LRMDA: variants seen among roughly 807,000 people sequenced by gnomAD.
LRMDA encodes the protein leucine rich melanocyte differentiation associated.
In LRMDA, 18 loss-of-function variants were observed where a neutral mutation model predicts 29.8. The observed-to-expected ratio is 0.60, with a 90% CI of 0.42 to 0.90. LRMDA has a LOEUF of 0.90. Among genes scored for constraint, LRMDA ranks in the 40% least tolerant of loss-of-function variants. The pLI is 0.00. For synonymous variants in LRMDA, 125 were observed against 109.4 expected (o/e 1.14, Z -0.89); for missense variants, 273 against 273.9 (o/e 1.00, Z 0.02).
At chr10:75,505,806 G>T (rs552150502) in intron 2 of LRMDA, among the ~76,000 whole-genome samples, 6 of 152,208 alleles carry the variant, frequency 3.9e-5, no homozygotes, top group Non-Finnish European at 8.8e-5. Context: ...TCACCACATG[G>T]TGTAATGACA....
chr10:75,847,482 C>T (rs1844659657), intron 2 of LRMDA, among the ~76,000 whole-genome samples: 1 of 151,996 alleles, frequency 6.6e-6, no homozygotes, highest in South Asian at 2.1e-4. Flanking sequence ...AATGCACAGG[C>T]AACAAAAACA....
intron 5 of LRMDA, 143 bp downstream of exon 5, chr10:76,058,926 G>A: frequency 2.9e-6 from 2 of 681,550 alleles, no homozygotes; most frequent in South Asian, 3.4e-5. Context: ...TACATTGTTG[G>A]CCAAACATGA....
At chr10:75,949,381 G>A (rs535449494) in intron 2 of LRMDA, among the ~76,000 whole-genome samples, 26 of 152,342 alleles carry the variant, frequency 1.7e-4, no homozygotes, top group African/African-American at 6.0e-4. Flanking sequence ...TTTGAGCCTT[G>A]AGGGCTTCTC....
In LRMDA at chr10:76,069,087, T is replaced by C. The variant is rs535655414; in HGVS notation, c.516+10304T>C. Among the ~76,000 whole-genome samples, 340 of 152,364 alleles carry C rather than the reference T, an allele frequency of 2.2e-3. 1 individual carries two copies. The highest frequency in any genetic ancestry group is 7.8e-3 in the African/African-American group (325 of 41,586). On this transcript the variant is annotated intron_variant, in intron 5 of 6. Coordinates refer to ENST00000611255, the MANE Select transcript of LRMDA (RefSeq NM_001305581.2). ...TTCCCAGACAGCTGTTGGATCCGGCTTGAGAGTCTGCTACAACCCTCTGGG... is the reference window on the plus strand; with the variant it reads ...TTCCCAGACAGCTGTTGGATCCGGCCTGAGAGTCTGCTACAACCCTCTGGG...
Position 76,168,930 on chromosome 10 carries a change from C to G in LRMDA, c.516+110147C>G, listed in dbSNP as rs534353353. 2.0e-4 allele frequency among the ~76,000 whole-genome samples: 31 copies of G among 152,134 alleles called. No homozygotes were observed. The South Asian group carries it at 6.4e-3, about 32-fold the overall frequency. ...GCCAATAAGTAAGACAGAACAAAAG[C>G]AAAGTGAAGTTAGAAAGGTATCCAC... On this transcript the variant is annotated intron_variant, in intron 5 of 6. Coordinates refer to ENST00000611255, the MANE Select transcript of LRMDA (RefSeq NM_001305581.2).
intron 2 of LRMDA, among the ~76,000 whole-genome samples, chr10:75,584,118 G>T (rs1352327776): frequency 6.6e-6 from 1 of 152,086 alleles, no homozygotes; most frequent in Admixed American, 6.5e-5. Context: ...GACAATATGG[G>T]CTGCTTTTTC....
At chr10:75,895,997 T>C (rs1845574352) in intron 2 of LRMDA, among the ~76,000 whole-genome samples, 1 of 152,218 alleles carries the variant, frequency 6.6e-6, no homozygotes, top group Non-Finnish European at 1.5e-5. Context: ...CATTTCAGTT[T>C]TCCCATGTGT....
chr10:75,450,024 A>T (rs1208086702), intron 2 of LRMDA: 5 of 152,160 alleles, frequency 3.3e-5, no homozygotes, highest in Non-Finnish European at 7.3e-5. Flanking sequence ...TGGTGATTTC[A>T]GCTGTTCCCT....
At chr10:76,467,805 A>C (rs139250695) in intron 6 of LRMDA, among the ~76,000 whole-genome samples, 5 of 152,178 alleles carry the variant, frequency 3.3e-5, no homozygotes, top group Non-Finnish European at 7.3e-5. Flanking sequence ...GATATTTGGC[A>C]TGCCAGCTTG....
chr10:76,470,198 G>A (rs1360577651), intron 6 of LRMDA, among the ~76,000 whole-genome samples: 2 of 152,068 alleles, frequency 1.3e-5, no homozygotes, highest in African/African-American at 4.8e-5. Flanking sequence ...ACTAAGGGAA[G>A]TAATACAGGC....
At chr10:75,788,717 G>A (rs1307899125) in intron 2 of LRMDA, among the ~76,000 whole-genome samples, 1 of 152,192 alleles carries the variant, frequency 6.6e-6, no homozygotes, top group Non-Finnish European at 1.5e-5. Flanking sequence ...TAGGACAGGC[G>A]AGGAAATGTA....
At chr10:75,788,257 A>C (rs980590119) in intron 2 of LRMDA, among the ~76,000 whole-genome samples, 4 of 152,228 alleles carry the variant, frequency 2.6e-5, no homozygotes, top group Non-Finnish European at 4.4e-5. Context: ...TTTCTTTTAC[A>C]AAAAGGAACA....
intron 2 of LRMDA, among the ~76,000 whole-genome samples, chr10:75,623,229 G>C (rs932240976): frequency 5.3e-5 from 8 of 152,166 alleles, no homozygotes; most frequent in African/African-American, 1.9e-4. Context: ...TCCAGCATTA[G>C]ATCTATCTGA....
chr10:75,527,028 C>G (rs1845421534), intron 2 of LRMDA, among the ~76,000 whole-genome samples: 1 of 152,246 alleles, frequency 6.6e-6, no homozygotes, highest in Non-Finnish European at 1.5e-5. Flanking sequence ...AGCATCACTC[C>G]CCATTCTCCC....
At chr10:76,092,486 T>C (rs1470747926) in intron 5 of LRMDA, among the ~76,000 whole-genome samples, 3 of 152,188 alleles carry the variant, frequency 2.0e-5, no homozygotes, top group Non-Finnish European at 2.9e-5. Flanking sequence ...TCTATCCCTG[T>C]CATTCCCAAA....
At chr10:75,863,054 A>G (rs1209102757) in intron 2 of LRMDA, among the ~76,000 whole-genome samples, 1 of 152,168 alleles carries the variant, frequency 6.6e-6, no homozygotes, top group African/African-American at 2.4e-5. Flanking sequence ...GAACATAAAG[A>G]TAGCTCTGTC....
chr10:76,400,041 A>G (rs975966212), intron 6 of LRMDA, among the ~76,000 whole-genome samples: 1 of 152,206 alleles, frequency 6.6e-6, no homozygotes, highest in African/African-American at 2.4e-5. Flanking sequence ...GATTATCGAA[A>G]AAAGTAATGG....
chr10:75,855,548 C>T (rs374273591), intron 2 of LRMDA, among the ~76,000 whole-genome samples: 30 of 152,204 alleles, frequency 2.0e-4, no homozygotes, highest in African/African-American at 2.9e-4. Context: ...CCTTTTGCTG[C>T]GCAGAAGCTC....
chr10:76,149,387 A>T (rs943237957), intron 5 of LRMDA, among the ~76,000 whole-genome samples: 44 of 152,208 alleles, frequency 2.9e-4, no homozygotes, highest in Admixed American at 2.5e-3. Context: ...TGATTGGCTG[A>T]GTGACTCACA....
Sources: allele counts gnomAD v4.1 joint callset (sites outside exome capture counted in the v4.1 genomes callset), GRCh38; gene constraint gnomAD v4.1.1; transcripts MANE v1.5; gene names NCBI Gene and HGNC (gene_info 2026-07-23, HGNC 2026-07-21).